BLTP3B: variants seen among roughly 807,000 people sequenced by gnomAD.
BLTP3B encodes bridge-like lipid transfer protein family member 3B.
chr12:100,076,117 T>TAA, the BLTP3B span, among the ~76,000 whole-genome samples: 8 of 143,198 alleles, frequency 5.6e-5, no homozygotes, highest in African/African-American at 1.8e-4. Flanking sequence ...AAGTTGAAAT[T>TAA]AAAAAAAAAA....
the BLTP3B span, among the ~76,000 whole-genome samples, chr12:100,139,900 A>G: frequency 2.6e-5 from 4 of 152,222 alleles, no homozygotes; most frequent in Non-Finnish European, 5.9e-5. Context: ...GGGGCTCACA[A>G]TTTTAAACTC....
At chr12:100,037,629 A>G in the BLTP3B span, 5 of 1,607,086 alleles carry the variant, frequency 3.1e-6, no homozygotes, top group Non-Finnish European at 4.2e-6. Flanking sequence ...TTTGACTGCC[A>G]CTCCTGCTAT....
At chr12:100,097,274 T>C in the BLTP3B span, 1 of 1,342,172 alleles carries the variant, frequency 7.5e-7, no homozygotes, top group Non-Finnish European at 1.0e-6. Flanking sequence ...TGTTTAAAAT[T>C]TCCTATAGTT....
At chr12:100,059,849 C>A in the BLTP3B span, 13 of 1,605,762 alleles carry the variant, frequency 8.1e-6, no homozygotes, top group Non-Finnish European at 1.1e-5. Flanking sequence ...TTGTATGATA[C>A]CTTTAGCATT....
the BLTP3B span, chr12:100,059,370 A>T: frequency 1.2e-6 from 2 of 1,613,994 alleles, no homozygotes; most frequent in South Asian, 2.2e-5. Flanking sequence ...TGTTTTACTA[A>T]AAAAATCACA....
At chr12:100,098,210 C>T in the BLTP3B span, 440 of 854,348 alleles carry the variant, frequency 5.2e-4, 2 homozygotes, top group African/African-American at 6.3e-3. Flanking sequence ...AGAGTGAGAC[C>T]CTGTCTCCCC....
At chr12:100,093,965 C>T in the BLTP3B span, among the ~76,000 whole-genome samples, 47 of 152,110 alleles carry the variant, frequency 3.1e-4, no homozygotes, top group Non-Finnish European at 5.7e-4. Flanking sequence ...ATTTCTAAGA[C>T]GTAATTTTAT....
the BLTP3B span, chr12:100,142,721 C>G: frequency 2.6e-6 from 4 of 1,532,450 alleles, no homozygotes; most frequent in Admixed American, 6.0e-5. Flanking sequence ...TCCCGGCTAG[C>G]CCGGCCGGCG....
chr12:100,059,403 G>A, the BLTP3B span: 3 of 1,613,910 alleles, frequency 1.9e-6, no homozygotes, highest in East Asian at 4.5e-5. Flanking sequence ...TTGAAACAAA[G>A]CTTCTAGGTC....
At chr12:100,113,273 C>T in the BLTP3B span, among the ~76,000 whole-genome samples, 34 of 151,696 alleles carry the variant, frequency 2.2e-4, no homozygotes, top group East Asian at 5.5e-3. Context: ...GTCAGGAGTT[C>T]GAGACCATCC....
At chr12:100,115,872 C>T in the BLTP3B span, among the ~76,000 whole-genome samples, 3 of 152,154 alleles carry the variant, frequency 2.0e-5, no homozygotes, top group South Asian at 6.2e-4. Context: ...TAATGCAATT[C>T]ACCACATTAA....
At chr12:100,097,531 C>T in the BLTP3B span, 1 of 1,573,924 alleles carries the variant, frequency 6.4e-7, no homozygotes, top group Non-Finnish European at 8.6e-7. Context: ...AGATTAACTT[C>T]ACTTACTCAT....
At chr12:100,125,895 T>TGATA in the BLTP3B span, among the ~76,000 whole-genome samples, 2 of 152,318 alleles carry the variant, frequency 1.3e-5, no homozygotes, top group Admixed American at 1.3e-4. Flanking sequence ...GGGTACTATG[T>TGATA]GATAGGTCAT....
the BLTP3B span, among the ~76,000 whole-genome samples, chr12:100,139,648 T>C: frequency 8.5e-5 from 13 of 152,314 alleles, no homozygotes; most frequent in Admixed American, 2.6e-4. Flanking sequence ...GCAGTAGTCT[T>C]GCCTCAGTAA....
chr12:100,084,806 G>C, the BLTP3B span: 2 of 756,018 alleles, frequency 2.6e-6, no homozygotes, highest in Non-Finnish European at 4.1e-6. Flanking sequence ...ATGTAATTTC[G>C]AAATATGAGT....
chr12:100,102,806 G>A, the BLTP3B span: 1 of 1,607,950 alleles, frequency 6.2e-7, no homozygotes, highest in African/African-American at 1.3e-5. Flanking sequence ...GGGCCATTAG[G>A]GCTTCTTGGT....
At chr12:100,037,572 T>A in the BLTP3B span, 1 of 1,572,180 alleles carries the variant, frequency 6.4e-7, no homozygotes, top group South Asian at 1.2e-5. Flanking sequence ...ACTGGTAACA[T>A]CCACATTATA....
the BLTP3B span, chr12:100,083,133 C>T: frequency 6.2e-7 from 1 of 1,608,574 alleles, no homozygotes; most frequent in African/African-American, 1.3e-5. Flanking sequence ...GGTAGTCCTT[C>T]TCTGTTGGAA....
chr12:100,044,380 T>C, the BLTP3B span, among the ~76,000 whole-genome samples: 26 of 152,314 alleles, frequency 1.7e-4, no homozygotes, highest in African/African-American at 5.8e-4. Flanking sequence ...TATTCTTCAG[T>C]TGACACATTT....
Sources: gnomAD v4.1 joint callset for allele counts (sites outside exome capture counted in the v4.1 genomes callset) on GRCh38, gnomAD v4.1.1 for gene constraint, MANE v1.5 for transcripts, NCBI Gene and HGNC (gene_info 2026-07-23, HGNC 2026-07-21) for gene names.